CNBD1: variants seen among roughly 807,000 people sequenced by gnomAD.
CNBD1 encodes the protein cyclic nucleotide binding domain containing 1.
Under a neutral mutation model 54.4 loss-of-function variants are expected in CNBD1, and 71 were observed. The observed-to-expected ratio is 1.30, with a 90% CI of 1.08 to 1.59. CNBD1 has a LOEUF of 1.59. Ranked by LOEUF, CNBD1 falls within the 40% of genes most tolerant of loss-of-function variation. CNBD1 has a pLI of 0.00. For missense variants in CNBD1, 659 were observed against 518.0 expected, an observed-to-expected ratio of 1.27 and a Z score of -2.64; for synonymous variants, 182 against 170.7, an observed-to-expected ratio of 1.07 and a Z score of -0.51.
intron 4 of CNBD1, among the ~76,000 whole-genome samples, chr8:87,081,296 T>C (rs1323564940): frequency 6.6e-6 from 1 of 152,108 alleles, no homozygotes; most frequent in Non-Finnish European, 1.5e-5. Context: ...TTTTACTTAT[T>C]TGAGAATTTT....
chr8:87,394,274 G>A (rs948338484), intron 2 of CNBD1, among the ~76,000 whole-genome samples: 3 of 151,840 alleles, frequency 2.0e-5, no homozygotes, highest in African/African-American at 7.2e-5. Context: ...CAAGTAATTG[G>A]CTTCAGTTCT....
chr8:87,272,636 G>A (rs894557411), intron 6 of CNBD1, among the ~76,000 whole-genome samples: 1 of 151,898 alleles, frequency 6.6e-6, no homozygotes, highest in African/African-American at 2.4e-5. Flanking sequence ...ACAAAATTCA[G>A]ATCATATCAG....
At chr8:87,081,662 C>T (rs1422554300) in intron 4 of CNBD1, among the ~76,000 whole-genome samples, 2 of 151,816 alleles carry the variant, frequency 1.3e-5, no homozygotes, top group African/African-American at 2.4e-5. Flanking sequence ...CGCCACCACA[C>T]CCAGCTAATT....
chr8:87,261,708 G>A (rs1367819502), intron 6 of CNBD1, among the ~76,000 whole-genome samples: 1 of 152,094 alleles, frequency 6.6e-6, no homozygotes, highest in Non-Finnish European at 1.5e-5. Flanking sequence ...TGTTACAGGT[G>A]CCTACTTCTA....
chr8:87,411,997 C>A lies in CNBD1; in HGVS notation c.214-16549C>A, dbSNP rs567567525. Among the ~76,000 whole-genome samples, 17 of 151,990 alleles carry A rather than the reference C, an allele frequency of 1.1e-4. No individual in the cohort carries two copies. In the South Asian group the frequency reaches 3.3e-3, roughly 30 times the overall value. Reference sequence around the variant, plus strand: ...TATTACTACAACTGAATGAAATTTTCTAGGGATTACCTTGACATTCATTAG... The same window carrying A: ...TATTACTACAACTGAATGAAATTTTATAGGGATTACCTTGACATTCATTAG... On this transcript the variant is annotated intron_variant, in intron 2 of 7. Transcript: ENST00000521593.
chr8:87,162,085 C>T (rs1038166676), intron 4 of CNBD1, among the ~76,000 whole-genome samples: 4 of 152,060 alleles, frequency 2.6e-5, no homozygotes, highest in Non-Finnish European at 5.9e-5. Flanking sequence ...TGGGAGTCTT[C>T]AAACACATGC....
At chr8:87,164,242 T>C (rs759390120) in intron 4 of CNBD1, among the ~76,000 whole-genome samples, 29 of 152,084 alleles carry the variant, frequency 1.9e-4, no homozygotes, top group Admixed American at 3.3e-4. Flanking sequence ...TTAGTGGTAA[T>C]GGCCTGTAAT....
chr8:87,326,525 C>A (rs200715788), intron 8 of CNBD1, among the ~76,000 whole-genome samples: 61 of 116,272 alleles, frequency 5.2e-4, no homozygotes, highest in South Asian at 1.5e-3. Context: ...TTTTCTCTAA[C>A]CTTCCCTTCT....
At chr8:87,372,913 G>T (rs1358525188) in intron 10 of CNBD1, among the ~76,000 whole-genome samples, 4 of 151,480 alleles carry the variant, frequency 2.6e-5, no homozygotes, top group Non-Finnish European at 5.9e-5. Flanking sequence ...ATATAACTGT[G>T]GTAGCTTCCT....
At chr8:87,104,445 C>T (rs1196613426) in intron 4 of CNBD1, among the ~76,000 whole-genome samples, 1 of 152,190 alleles carries the variant, frequency 6.6e-6, no homozygotes, top group Non-Finnish European at 1.5e-5. Context: ...TTCCAGGGAT[C>T]AGAAATGCCA....
chr8:87,421,849 C>A (rs1807945103), intron 2 of CNBD1, among the ~76,000 whole-genome samples: 1 of 142,712 alleles, frequency 7.0e-6, no homozygotes, highest in South Asian at 2.3e-4. Flanking sequence ...GGAATCGCCA[C>A]ACTGACTTCC....
chr8:87,365,100 A>T (rs1230415587), intron 10 of CNBD1, among the ~76,000 whole-genome samples: 1 of 151,658 alleles, frequency 6.6e-6, no homozygotes, highest in African/African-American at 2.4e-5. Context: ...CCTAATTTAC[A>T]CTCGCACCAA....
intron 3 of CNBD1, among the ~76,000 whole-genome samples, chr8:86,924,600 A>T (rs1809327434): frequency 1.3e-5 from 2 of 152,088 alleles, no homozygotes; most frequent in South Asian, 4.1e-4. Context: ...GACAATGAAT[A>T]TTTTTTTGCC....
chr8:86,926,217 C>T (rs780978468), intron 3 of CNBD1, among the ~76,000 whole-genome samples: 3 of 152,308 alleles, frequency 2.0e-5, no homozygotes, highest in South Asian at 4.1e-4. Context: ...CTCAATCTCC[C>T]CTCTCAACTG....
intron 1 of CNBD1, among the ~76,000 whole-genome samples, chr8:86,868,567 G>A (rs546101342): frequency 1.9e-5 from 2 of 103,526 alleles, no homozygotes; most frequent in East Asian, 5.9e-4. Flanking sequence ...TCCTCACCTC[G>A]TGATCTGCCC....
intron 6 of CNBD1, among the ~76,000 whole-genome samples, chr8:87,256,820 T>C (rs1293082077): frequency 6.6e-6 from 1 of 151,194 alleles, no homozygotes; most frequent in Non-Finnish European, 1.5e-5. Context: ...AAAGAGATCT[T>C]TGTCAGTTGT....
At chr8:87,411,137 G>A (rs943807659) in intron 2 of CNBD1, among the ~76,000 whole-genome samples, 1 of 151,606 alleles carries the variant, frequency 6.6e-6, no homozygotes, top group Non-Finnish European at 1.5e-5. Flanking sequence ...AAGTATGCTT[G>A]CATTTTTCAT....
At chr8:87,343,043 C>G (rs1396109775) in intron 8 of CNBD1, among the ~76,000 whole-genome samples, 3 of 152,066 alleles carry the variant, frequency 2.0e-5, no homozygotes, top group African/African-American at 4.8e-5. Context: ...ATAGACCTAC[C>G]CCCAGGAATG....
chr8:87,286,780 C>A, intron 8 of CNBD1, 109 bp downstream of exon 8: 2 of 756,416 alleles, frequency 2.6e-6, no homozygotes, highest in Admixed American at 2.9e-5. Context: ...TATAAATATT[C>A]TCTAATTTAT....
Sources: allele counts gnomAD v4.1 joint callset (sites outside exome capture counted in the v4.1 genomes callset), GRCh38; gene constraint gnomAD v4.1.1; transcripts MANE v1.5; gene names NCBI Gene and HGNC (gene_info 2026-07-23, HGNC 2026-07-21).